HTR6: variants seen among roughly 807,000 people sequenced by gnomAD.
The protein encoded by HTR6 is 5-hydroxytryptamine (serotonin) receptor 6, G protein-coupled.
Under a neutral mutation model 17.4 loss-of-function variants are expected in HTR6, and 15 were observed. That is an observed-to-expected ratio of 0.86 (90% confidence interval 0.58 to 1.33). The LOEUF is 1.33. Among genes scored for constraint, HTR6 ranks in the 40% most tolerant of loss-of-function variants. HTR6 has a pLI of 0.00. For synonymous variants in HTR6, 326 were observed against 295.5 expected (o/e 1.10, Z -1.06); for missense variants, 578 against 616.0 (o/e 0.94, Z 0.65).
At chr1:19,676,490 A>G (rs897991216) in intron 1 of HTR6, among the ~76,000 whole-genome samples, 7 of 152,136 alleles carry the variant, frequency 4.6e-5, no homozygotes, top group African/African-American at 1.7e-4. Context: ...AGGGGTGGGG[A>G]TTACGATGTG....
Position 19,665,960 on chromosome 1 carries a change from C to G in HTR6, c.207C>G (p.Phe69Leu), listed in dbSNP as rs751950653. The G allele has an allele frequency of 6.2e-7, 1 of 1,613,936 alleles. No individual in the cohort carries two copies. The highest frequency in any genetic ancestry group is 1.1e-5 in the South Asian group (1 of 91,082). The change falls in exon 1 of 3, where the codon TTC becomes TTG. Residue 69 changes from phenylalanine (F) to leucine (L), a missense_variant. Phe to Leu is a conservative substitution (Grantham distance 22). Transcript: ENST00000289753. The surrounding 1 kb of genome is among the most constrained non-coding windows in gnomAD (Gnocchi z 4.2). Reference sequence around the variant, plus strand: ...CCAACTTCTTCCTGGTGTCGCTCTTCACGTCTGACCTGATGGTGGGGCTGG... The same window carrying G: ...CCAACTTCTTCCTGGTGTCGCTCTTGACGTCTGACCTGATGGTGGGGCTGG... Reference protein sequence around the residue: ...NTSNFFLVSLFTSDLMVGLVV... With the variant: ...NTSNFFLVSLLTSDLMVGLVV...
rs958964017 is a variant in HTR6 at position 19,666,495 on chromosome 1, G to A, written c.714+28G>A. The A allele has an allele frequency of 6.5e-7, 1 of 1,540,920 alleles. No homozygotes were observed. Among genetic ancestry groups the A allele is most frequent in the Non-Finnish European group, 8.8e-7 (1 of 1,136,338 alleles). On this transcript the variant is annotated intron_variant, in intron 1 of 2. Coordinates refer to ENST00000289753, the MANE Select transcript of HTR6 (RefSeq NM_000871.3). The surrounding 1 kb of genome is among the most constrained non-coding windows in gnomAD (Gnocchi z 4.5). Reference sequence around the variant, plus strand: ...ACCTGGGGTGCGCAGGGAGACCCGGGCTGTGGGATAGAGAGGAATGAGCAG... The same window carrying A: ...ACCTGGGGTGCGCAGGGAGACCCGGACTGTGGGATAGAGAGGAATGAGCAG...
Position 19,666,481 on chromosome 1 carries a change from G to T in HTR6, c.714+14G>T. The T allele has an allele frequency of 6.3e-7, 1 of 1,578,568 alleles. No homozygotes were observed. The highest frequency in any genetic ancestry group is 8.6e-7 in the Non-Finnish European group (1 of 1,160,744). ...GAGACGCTGCAGGTACCTGGGGTGC[G>T]CAGGGAGACCCGGGCTGTGGGATAG... On this transcript the variant is annotated intron_variant, in intron 1 of 2. Coordinates refer to ENST00000289753, the MANE Select transcript of HTR6 (RefSeq NM_000871.3). This position sits in a 1 kb window ranked among gnomAD's most constrained non-coding sequence, Gnocchi z 4.5.
chr1:19,666,122 C>T lies in HTR6; in HGVS notation c.369C>T (p.Asp123=), dbSNP rs1180220352. 1 of 1,612,336 alleles carries T rather than the reference C, an allele frequency of 6.2e-7. No homozygotes were observed. Among genetic ancestry groups the T allele is most frequent in the Admixed American group, 1.7e-5 (1 of 60,036 alleles). Residue 123 remains aspartate (D), a synonymous_variant, in exon 1 of 3, where the codon GAC becomes GAT. Coordinates refer to ENST00000289753, the MANE Select transcript of HTR6 (RefSeq NM_000871.3). This position sits in a 1 kb window ranked among gnomAD's most constrained non-coding sequence, Gnocchi z 4.5. ...SILNLCLISL[D]RYLLILSPLR... ...TCAACCTCTGCCTCATCAGCCTGGACCGCTACCTGCTCATCCTCTCGCCGC... is the reference window on the plus strand; with the variant it reads ...TCAACCTCTGCCTCATCAGCCTGGATCGCTACCTGCTCATCCTCTCGCCGC...
chr1:19,673,534 T>C (rs2095090746), intron 1 of HTR6, among the ~76,000 whole-genome samples: 1 of 152,118 alleles, frequency 6.6e-6, no homozygotes, highest in Admixed American at 6.6e-5. Flanking sequence ...ACCCCATCTC[T>C]ACTAAGGTAC....
chr1:19,666,603 T>TA lies in HTR6; in HGVS notation c.714+136_714+137insA. ...GGCTGTTGTGAGCGCCCACCTTTCT[T>TA]CTGAACTCCAGAGCCAATGCCTGAC... On this transcript the variant is annotated intron_variant, in intron 1 of 2. Coordinates refer to ENST00000289753, the MANE Select transcript of HTR6 (RefSeq NM_000871.3). This position sits in a 1 kb window ranked among gnomAD's most constrained non-coding sequence, Gnocchi z 4.5. 1 of 660,048 alleles carries TA rather than the reference T, an allele frequency of 1.5e-6. No individual in the cohort carries two copies. Among genetic ancestry groups the TA allele is most frequent in the Non-Finnish European group, 2.5e-6 (1 of 392,546 alleles). The allele number at this position is 660,048 out of a possible 1,614,324, so 40.9% of individuals were successfully genotyped here.
At position 19,666,104 on chromosome 1, in the gene HTR6, C is replaced by G; in HGVS notation, c.351C>G (p.Leu117=). The G allele has an allele frequency of 3.1e-6, 5 of 1,612,686 alleles. No homozygotes were observed. The highest frequency in any genetic ancestry group is 4.2e-6 in the Non-Finnish European group (5 of 1,179,910). The change falls in exon 1 of 3, where the codon CTC becomes CTG. Residue 117 remains leucine, a synonymous_variant. Transcript: ENST00000289753. The surrounding 1 kb of genome is among the most constrained non-coding windows in gnomAD (Gnocchi z 4.5). The part of the protein sequence containing the change: ...VMCCSASILN[L]CLISLDRYLL... ...GCTGCAGCGCCTCCATCCTCAACCT[C>G]TGCCTCATCAGCCTGGACCGCTACC... is the stretch of plus-strand genomic sequence containing the variant.
rs774592009 is a variant in HTR6 at position 19,679,138 on chromosome 1, A to C, written c.1093A>C (p.Ser365Arg). 6.2e-7 allele frequency: 1 copy of C among 1,609,280 alleles called. No homozygotes were observed. Among genetic ancestry groups the C allele is most frequent in the South Asian group, 1.1e-5 (1 of 90,868 alleles). Residue 365 changes from serine (S) to arginine (R), a missense_variant, in exon 3 of 3, where the codon AGC becomes CGC. Transcript: ENST00000289753. The surrounding 1 kb of genome is among the most constrained non-coding windows in gnomAD (Gnocchi z 4.9). ...TSHSGPRPGL[S>R]LQQVLPLPLP... ...TCACAGCGGCCCCCGGCCCGGCCTT[A>C]GCCTACAGCAGGTGCTGCCGCTGCC...
At position 19,679,355 on chromosome 1, in the gene HTR6, T is replaced by A. The variant is rs922695939; in HGVS notation, c.1310T>A (p.Ile437Asn). ...EPELRPHPLG[I>N]PTN The stretch of plus-strand genomic sequence containing the variant: ...GAGCTGCGGCCGCATCCACTTGGCA[T>A]CCCCACGAACTGACCCGGGCTTGGG... The change falls in exon 3 of 3, where the codon ATC becomes AAC. Residue 437 changes from isoleucine to asparagine, a missense_variant. By Grantham distance (149) the Ile-to-Asn change is moderately radical. Coordinates refer to ENST00000289753, the MANE Select transcript of HTR6 (RefSeq NM_000871.3). This position sits in a 1 kb window ranked among gnomAD's most constrained non-coding sequence, Gnocchi z 4.9. The A allele has an allele frequency of 6.3e-7, 1 of 1,593,880 alleles. No homozygotes were observed. The highest frequency in any genetic ancestry group is 1.3e-5 in the African/African-American group (1 of 74,694).
At chr1:19,669,359 C>T (rs186673487) in intron 1 of HTR6, among the ~76,000 whole-genome samples, 1 of 152,182 alleles carries the variant, frequency 6.6e-6, no homozygotes, top group Non-Finnish European at 1.5e-5. Context: ...AGGCACTGAG[C>T]TAAACTTATT....
intron 2 of HTR6, 63 bp from the exon 3 acceptor site, chr1:19,678,856 T>C (rs2095097626): frequency 1.3e-6 from 2 of 1,559,208 alleles, no homozygotes; most frequent in Non-Finnish European, 1.7e-6. Context: ...GCTCCATACA[T>C]GCTGGGAAGG....
In HTR6 at chr1:19,679,158, G is replaced by A. The variant is rs377066286; in HGVS notation, c.1113G>A (p.Pro371=). 3.7e-5 allele frequency: 60 copies of A among 1,601,052 alleles called. 2 individuals carry two copies. The highest frequency in any genetic ancestry group is 9.1e-5 in the East Asian group (4 of 44,184). Residue 371 remains proline, a synonymous_variant, in exon 3 of 3, where the codon CCG becomes CCA. Transcript: ENST00000289753. The surrounding 1 kb of genome is among the most constrained non-coding windows in gnomAD (Gnocchi z 4.9). Reference sequence around the variant, plus strand: ...GCCTTAGCCTACAGCAGGTGCTGCCGCTGCCCCTGCCGCCGGACTCAGATT... The same window carrying A: ...GCCTTAGCCTACAGCAGGTGCTGCCACTGCCCCTGCCGCCGGACTCAGATT... ...RPGLSLQQVL[P]LPLPPDSDSD...
intron 1 of HTR6, among the ~76,000 whole-genome samples, chr1:19,667,161 C>T (rs2095082631): frequency 6.6e-6 from 1 of 152,162 alleles, no homozygotes; most frequent in Non-Finnish European, 1.5e-5. Context: ...TTCTAGAAGG[C>T]ACTGGGCTTA....
chr1:19,667,796 A>G (rs2095083409), intron 1 of HTR6, among the ~76,000 whole-genome samples: 1 of 152,108 alleles, frequency 6.6e-6, no homozygotes, highest in African/African-American at 2.4e-5. Flanking sequence ...CCTGACTCCT[A>G]TTGACCCCCT....
At chr1:19,673,287 AG>A (rs1290915421) in intron 1 of HTR6, among the ~76,000 whole-genome samples, 3 of 152,246 alleles carry the variant, frequency 2.0e-5, no homozygotes, top group African/African-American at 7.2e-5. Flanking sequence ...AGAAAGTGGA[AG>A]CATAGATGAA....
At chr1:19,676,505 G>A (rs2095094721) in intron 1 of HTR6, among the ~76,000 whole-genome samples, 1 of 152,170 alleles carries the variant, frequency 6.6e-6, no homozygotes. Flanking sequence ...GATGTGCTTC[G>A]TCTCCCTGCC....
Position 19,665,731 on chromosome 1 carries a change from C to A in HTR6, c.-23C>A. ...TGCTTTCCCGCCACCCTATCACTCC[C>A]TTGCCGTCCACCCTCGGTCCTCATG... On this transcript the variant is annotated 5_prime_UTR_variant, in exon 1 of 3. Transcript: ENST00000289753. This position sits in a 1 kb window ranked among gnomAD's most constrained non-coding sequence, Gnocchi z 4.2. 1 of 1,429,530 alleles carries A rather than the reference C, an allele frequency of 7.0e-7. No homozygotes were observed. Among genetic ancestry groups the A allele is most frequent in the Non-Finnish European group, 9.3e-7 (1 of 1,077,586 alleles). 88.6% of individuals were successfully genotyped at this position (1,429,530 alleles called of 1,614,324 possible).
intron 1 of HTR6, among the ~76,000 whole-genome samples, chr1:19,669,952 G>A (rs895528611): frequency 2.0e-5 from 3 of 151,974 alleles, no homozygotes; most frequent in South Asian, 2.1e-4. Flanking sequence ...TCCTGATTCC[G>A]CTCTTCCTCC....
chr1:19,671,139 T>C (rs971110445), intron 1 of HTR6, among the ~76,000 whole-genome samples: 1 of 152,128 alleles, frequency 6.6e-6, no homozygotes, highest in Non-Finnish European at 1.5e-5. Flanking sequence ...ATGGAGCTTA[T>C]AGGAGGGATG....
Sources: gnomAD v4.1 joint callset for allele counts (sites outside exome capture counted in the v4.1 genomes callset) on GRCh38, gnomAD v4.1.1 for gene constraint, Gnocchi (gnomAD v3.1) non-coding constraint, MANE v1.5 for transcripts, NCBI Gene and HGNC (gene_info 2026-07-23, HGNC 2026-07-21) for gene names.